The following TMEM178B variants were observed in gnomAD, a reference collection of about 807,000 sequenced individuals.
TMEM178B encodes the protein transmembrane protein 178B.
A neutral mutation model predicts 31.0 loss-of-function variants in TMEM178B; 5 were observed. That is an observed-to-expected ratio of 0.16 (90% CI 0.08 to 0.34). TMEM178B has a LOEUF of 0.34. Among genes scored for constraint, TMEM178B ranks in the 10% least tolerant of loss-of-function variants. TMEM178B has a pLI of 1.00. For synonymous variants in TMEM178B, 164 were observed against 164.0 expected (o/e 1.00, Z 0.00); for missense variants, 275 against 400.3 (o/e 0.69, Z 2.67).
chr7:141,340,223 C>T (rs1799493260), intron 2 of TMEM178B, among the ~76,000 whole-genome samples: 1 of 152,184 alleles, frequency 6.6e-6, no homozygotes, highest in African/African-American at 2.4e-5. Context: ...CCTAGAGCTT[C>T]CCGTGAAAGC....
chr7:141,291,791 A>G (rs1433660502), intron 2 of TMEM178B, among the ~76,000 whole-genome samples: 3 of 152,212 alleles, frequency 2.0e-5, no homozygotes, highest in African/African-American at 7.2e-5. Context: ...TTACAATGAA[A>G]AAAAAAGTCA....
At chr7:141,442,800 C>T (rs968150082) in intron 3 of TMEM178B, among the ~76,000 whole-genome samples, 9 of 152,202 alleles carry the variant, frequency 5.9e-5, no homozygotes, top group Non-Finnish European at 7.3e-5. Flanking sequence ...TTTTCCAAAA[C>T]GTTTGTGGTG....
At chr7:141,118,661 C>T (rs1396038193) in intron 1 of TMEM178B, among the ~76,000 whole-genome samples, 2 of 152,134 alleles carry the variant, frequency 1.3e-5, no homozygotes, top group Non-Finnish European at 2.9e-5. Context: ...TTTGAAGACT[C>T]TTTGCTAAAG....
At chr7:141,226,009 G>T (rs1797336224) in intron 2 of TMEM178B, among the ~76,000 whole-genome samples, 1 of 152,186 alleles carries the variant, frequency 6.6e-6, no homozygotes, top group Non-Finnish European at 1.5e-5. Context: ...AATCAGGTGT[G>T]TGTGGTGTGT....
chr7:141,147,056 A>G (rs1468887138), intron 1 of TMEM178B, among the ~76,000 whole-genome samples: 4 of 152,214 alleles, frequency 2.6e-5, no homozygotes, highest in Non-Finnish European at 4.4e-5. Context: ...GAGAATGTAT[A>G]AGAGTGGATA....
intron 2 of TMEM178B, among the ~76,000 whole-genome samples, chr7:141,266,664 C>T (rs1479786922): frequency 4.6e-5 from 7 of 152,154 alleles, no homozygotes; most frequent in South Asian, 2.1e-4. Flanking sequence ...AGCTTCTCTG[C>T]GAGCCATTGG....
rs1025587332 is a variant in TMEM178B at position 141,461,928 on chromosome 7, C to T, written c.635-8608C>T. On this transcript the variant is annotated intron_variant, in intron 3 of 3. Transcript: ENST00000565468. The surrounding 1 kb of genome is among the most constrained non-coding windows in gnomAD (Gnocchi z 4.0). ...AATTCTTTGTTCCCTGGTGACATTTCAGGGTGGCAAAAATTAGCTGCTCCC... is the reference window on the plus strand; with the variant it reads ...AATTCTTTGTTCCCTGGTGACATTTTAGGGTGGCAAAAATTAGCTGCTCCC... Among the ~76,000 whole-genome samples, 2 of 152,168 alleles carry T rather than the reference C, an allele frequency of 1.3e-5. No individual in the cohort carries two copies. The highest frequency in any genetic ancestry group is 2.9e-5 in the Non-Finnish European group (2 of 68,034).
At chr7:141,229,097 T>TTTG (rs1563124979) in intron 2 of TMEM178B, among the ~76,000 whole-genome samples, 5 of 112,846 alleles carry the variant, frequency 4.4e-5, no homozygotes, top group African/African-American at 1.7e-4. Context: ...GATGTGTGTG[T>TTTG]GTGGTGTGTG....
At chr7:141,394,188 A>G (rs1012366789) in intron 2 of TMEM178B, among the ~76,000 whole-genome samples, 1 of 152,158 alleles carries the variant, frequency 6.6e-6, no homozygotes, top group East Asian at 1.9e-4. Flanking sequence ...TGCACCTTCC[A>G]TGAAACCCTG....
chr7:141,481,339 A>T (rs138202191), downstream of TMEM178B, among the ~76,000 whole-genome samples: 2 of 152,172 alleles, frequency 1.3e-5, no homozygotes, highest in African/African-American at 4.8e-5. Flanking sequence ...GGAATAGACA[A>T]TTCCCCAAAC....
intron 1 of TMEM178B, among the ~76,000 whole-genome samples, chr7:141,096,829 C>T (rs894511451): frequency 6.6e-6 from 1 of 152,092 alleles, no homozygotes; most frequent in African/African-American, 2.4e-5. Flanking sequence ...GTGGGTGGCT[C>T]ACACCTGTTA....
intron 1 of TMEM178B, among the ~76,000 whole-genome samples, chr7:141,168,905 A>G (rs749136432): frequency 1.3e-5 from 2 of 152,252 alleles, no homozygotes; most frequent in Non-Finnish European, 2.9e-5. Context: ...TGATACAAGC[A>G]TACAATGTGT....
chr7:141,263,285 T>C (rs1798043223), intron 2 of TMEM178B, among the ~76,000 whole-genome samples: 1 of 152,206 alleles, frequency 6.6e-6, no homozygotes, highest in African/African-American at 2.4e-5. Context: ...TCTGCCTATA[T>C]AATTTCTTCT....
intron 3 of TMEM178B, among the ~76,000 whole-genome samples, chr7:141,452,638 G>A (rs1177662886): frequency 6.6e-6 from 1 of 152,122 alleles, no homozygotes; most frequent in Non-Finnish European, 1.5e-5. Flanking sequence ...CCACCACTTA[G>A]TTGGCAACCT....
intron 2 of TMEM178B, among the ~76,000 whole-genome samples, chr7:141,231,139 A>G (rs1797436236): frequency 6.6e-6 from 1 of 152,204 alleles, no homozygotes; most frequent in Admixed American, 6.5e-5. Context: ...GGAACTCCCA[A>G]GAGGACTGAG....
At chr7:141,172,612 C>T (rs1423381865) in intron 1 of TMEM178B, among the ~76,000 whole-genome samples, 1 of 152,172 alleles carries the variant, frequency 6.6e-6, no homozygotes, top group African/African-American at 2.4e-5. Context: ...GACCAGGACT[C>T]TGTTACCTCC....
intron 2 of TMEM178B, among the ~76,000 whole-genome samples, chr7:141,231,310 G>GAAAA (rs770411127): frequency 9.5e-6 from 1 of 105,316 alleles, no homozygotes; most frequent in Non-Finnish European, 1.9e-5. Flanking sequence ...GAGCTCAAGA[G>GAAAA]AAGAAAAAAA....
intron 3 of TMEM178B, among the ~76,000 whole-genome samples, chr7:141,452,995 C>A (rs1801897220): frequency 6.6e-6 from 1 of 152,362 alleles, no homozygotes; most frequent in African/African-American, 2.4e-5. Flanking sequence ...CAGCGACTGA[C>A]TGTCACTGCC....
chr7:141,419,239 A>G (rs570772180), intron 2 of TMEM178B, among the ~76,000 whole-genome samples: 103 of 152,136 alleles, frequency 6.8e-4, no homozygotes, highest in African/African-American at 2.4e-3. Context: ...TGCCCCTCCA[A>G]AAAAAAGAAA....
Sources: gnomAD v4.1 joint callset for allele counts (sites outside exome capture counted in the v4.1 genomes callset) on GRCh38, gnomAD v4.1.1 for gene constraint, Gnocchi (gnomAD v3.1) non-coding constraint, MANE v1.5 for transcripts, NCBI Gene and HGNC (gene_info 2026-07-23, HGNC 2026-07-21) for gene names.